Variants in SIRPB2 observed in about 807,000 individuals in gnomAD.
SIRPB2 encodes the protein signal-regulatory protein beta-2.
Under a neutral mutation model 27.1 loss-of-function variants are expected in SIRPB2, and 18 were observed. The observed-to-expected ratio is 0.66, with a 90% CI of 0.46 to 0.98. The LOEUF (loss-of-function observed/expected upper bound fraction) is 0.98. SIRPB2 is among the 50% of genes least tolerant of loss of function. The pLI is 0.00. For missense variants in SIRPB2, 420 were observed against 417.4 expected (o/e 1.01, Z -0.06); for synonymous variants, 150 against 164.6 (o/e 0.91, Z 0.68).
intron 4 of SIRPB2, chr20:1,476,999 C>A: frequency 8.0e-7 from 1 of 1,257,282 alleles, no homozygotes; most frequent in Non-Finnish European, 1.0e-6. Context: ...GGGGCTCCAT[C>A]CAGGAGGCTT....
intron 1 of SIRPB2, 55 bp downstream of exon 1, chr20:1,491,220 C>A: frequency 6.6e-7 from 1 of 1,510,158 alleles, no homozygotes; most frequent in Non-Finnish European, 9.0e-7. Context: ...CTTAGTGCCC[C>A]TCTAGGGACT....
chr20:1,487,873 G>C (rs185671271), intron 1 of SIRPB2, among the ~76,000 whole-genome samples: 17 of 152,246 alleles, frequency 1.1e-4, no homozygotes, highest in Admixed American at 4.6e-4. Flanking sequence ...AATGGTGCAA[G>C]AACCATTGGA....
intron 1 of SIRPB2, chr20:1,480,429 C>G: frequency 4.7e-6 from 1 of 212,592 alleles, no homozygotes; most frequent in Non-Finnish European, 9.5e-6. Context: ...GGATCATCGG[C>G]TAGGATTGTG....
intron 1 of SIRPB2, among the ~76,000 whole-genome samples, chr20:1,490,124 C>T (rs2090764275): frequency 6.6e-6 from 1 of 152,158 alleles, no homozygotes; most frequent in Non-Finnish European, 1.5e-5. Context: ...TTCTGATTTC[C>T]TAGTCTAGTG....
In SIRPB2 at chr20:1,491,386, G is replaced by C. The variant is rs777468466; in HGVS notation, c.-27C>G. 2.2e-5 allele frequency: 35 copies of C among 1,593,892 alleles called. No individual in the cohort carries two copies. The African/African-American group carries it at 4.7e-4, about 21-fold the overall frequency. ...GCATCTTCTGTGGTCCCCAAGACTT[G>C]GGGCTCCTCTGCTCTCTTGTGAGTG... On this transcript the variant is annotated 5_prime_UTR_variant, in exon 1 of 5. Coordinates refer to ENST00000359801, the MANE Select transcript of SIRPB2 (RefSeq NM_001122962.2).
chr20:1,487,406 C>G (rs983224756), intron 1 of SIRPB2, among the ~76,000 whole-genome samples: 6 of 152,182 alleles, frequency 3.9e-5, no homozygotes, highest in African/African-American at 1.4e-4. Context: ...CAATGCCATT[C>G]CCATTCAAAT....
At chr20:1,477,462 A>G in intron 3 of SIRPB2, 59 bp from the exon 4 acceptor site, 1 of 1,556,440 alleles carries the variant, frequency 6.4e-7, no homozygotes, top group South Asian at 1.2e-5. Flanking sequence ...ACCACTTCCT[A>G]AGTCCCAGGA....
chr20:1,485,101 G>C (rs1039382620), intron 1 of SIRPB2, among the ~76,000 whole-genome samples: 1 of 152,258 alleles, frequency 6.6e-6, no homozygotes, highest in South Asian at 2.1e-4. Flanking sequence ...TGTAGGGAGA[G>C]GGGCATGAGA....
At chr20:1,477,283 A>G (rs2090615727) in intron 4 of SIRPB2, 55 bp downstream of exon 4, 1 of 1,614,128 alleles carries the variant, frequency 6.2e-7, no homozygotes, top group Non-Finnish European at 8.5e-7. Flanking sequence ...CAAGCCATTC[A>G]TGGCCCCCTT....
chr20:1,483,396 A>G (rs540604372), intron 1 of SIRPB2, among the ~76,000 whole-genome samples: 2 of 152,186 alleles, frequency 1.3e-5, no homozygotes, highest in Admixed American at 6.5e-5. Context: ...CACGAGCCAC[A>G]GCACCTGGCC....
intron 4 of SIRPB2, 38 bp from the exon 5 acceptor site, chr20:1,476,374 G>A (rs759613749): frequency 1.3e-6 from 2 of 1,587,370 alleles, no homozygotes; most frequent in South Asian, 1.1e-5. Context: ...GGGACCCGTG[G>A]TGAGGGCCCC....
chr20:1,476,316 G>A lies in SIRPB2; in HGVS notation c.880C>T (p.Pro294Ser), dbSNP rs758024725. 6 of 1,613,156 alleles carry A rather than the reference G, an allele frequency of 3.7e-6. No homozygotes were observed. The South Asian group carries it at 6.6e-5, about 18-fold the overall frequency. ...SPTGLLVVFAPVVLGLKAITL... is the reference protein window; with the variant it reads ...SPTGLLVVFASVVLGLKAITL... ...ATTGCCTTCAGCCCCAGGACCACAG[G>A]TGCGAACACAACCAGGAGGCCTGGG... The change falls in exon 5 of 5, where the codon CCT (proline) becomes TCT (serine). Residue 294 changes from proline (P) to serine (S), a missense_variant. Transcript: ENST00000359801.
intron 2 of SIRPB2, 130 bp downstream of exon 2, chr20:1,479,570 T>G: frequency 1.5e-6 from 2 of 1,374,812 alleles, no homozygotes; most frequent in Non-Finnish European, 2.0e-6. Context: ...AATGTGCATG[T>G]AGAGATACAA....
At chr20:1,489,603 GA>G (rs1192343860) in intron 1 of SIRPB2, among the ~76,000 whole-genome samples, 1 of 152,100 alleles carries the variant, frequency 6.6e-6, no homozygotes, top group Admixed American at 6.5e-5. Flanking sequence ...TGGGCTTTAG[GA>G]GGTGTCCTAG....
Position 1,479,945 on chromosome 20 carries a change from C to A in SIRPB2, c.206G>T (p.Gly69Val). Residue 69 changes from glycine to valine, a missense_variant, in exon 2 of 5, where the codon GGT (glycine) becomes GTT (valine). Physicochemically the swap from Gly to Val is moderately radical, Grantham distance 109. Coordinates refer to ENST00000359801, the MANE Select transcript of SIRPB2 (RefSeq NM_001122962.2). ...GCTCACCTTCACCCATTTTATCATA[C>A]CATCAGTGCAGGAGCCGACCACCAT... Reference protein sequence around the residue: ...RCMVVGSCTDGMIKWVKVSTQ... With the variant: ...RCMVVGSCTDVMIKWVKVSTQ... 6.2e-7 allele frequency: 1 copy of A among 1,614,190 alleles called. No individual in the cohort carries two copies. Among genetic ancestry groups the A allele is most frequent in the Non-Finnish European group, 8.5e-7 (1 of 1,180,040 alleles).
In SIRPB2 at chr20:1,480,068, A is replaced by G. The variant is rs749254260; in HGVS notation, c.86-3T>C. 6.3e-7 allele frequency: 1 copy of G among 1,598,908 alleles called. No homozygotes were observed. Among genetic ancestry groups the G allele is most frequent in the South Asian group, 1.1e-5 (1 of 89,852 alleles). ...CCTGCTGCTCTGCCCAGAGGCATCT[A>G]CAAAAGAGGAAGAAAGACCTTGCAC... On this transcript the variant is annotated splice_polypyrimidine_tract_variant and splice_region_variant and intron_variant, in intron 1 of 4. Transcript: ENST00000359801.
In SIRPB2 at chr20:1,483,094, T is replaced by C. The variant is rs1282160392; in HGVS notation, c.86-3029A>G. On this transcript the variant is annotated intron_variant, in intron 1 of 4. Transcript: ENST00000359801. ...AATAGTGTATAAGAGTTCCCTTTTC[T>C]CCTCATCCTCATCATTTTTTTTTTT... is the stretch of plus-strand genomic sequence containing the variant. Among the ~76,000 whole-genome samples, 16 of 150,416 alleles carry C rather than the reference T, an allele frequency of 1.1e-4. No individual in the cohort carries two copies. In the Admixed American group the frequency reaches 1.1e-3, roughly 10 times the overall value.
In SIRPB2 at chr20:1,478,266, C is replaced by T. The variant is rs745455019; in HGVS notation, c.793G>A (p.Ala265Thr). 3.1e-6 allele frequency: 5 copies of T among 1,609,192 alleles called. No homozygotes were observed. Among genetic ancestry groups the T allele is most frequent in the Non-Finnish European group, 4.3e-6 (5 of 1,176,228 alleles). ...ACAAGTCCAAAACCAATTGTCTCAC[C>T]TTTCACTTTCAGGCTGGTGCCCTGT... Reference protein sequence around the residue: ...SGQGTSLKVKAKSTSSKEAEF... With the variant: ...SGQGTSLKVKTKSTSSKEAEF... Residue 265 changes from alanine (A) to threonine (T), a missense_variant and splice_region_variant, in exon 3 of 5, where the codon GCA (alanine) becomes ACA (threonine). Physicochemically the swap from Ala to Thr is moderately conservative, Grantham distance 58. Coordinates refer to ENST00000359801, the MANE Select transcript of SIRPB2 (RefSeq NM_001122962.2).
At chr20:1,471,045 A>G (rs912505009), downstream of SIRPB2, 3 of 152,250 alleles carry the variant, frequency 2.0e-5, no homozygotes, top group Non-Finnish European at 2.9e-5. Context: ...TCTTTCTTCA[A>G]TAAACTCTGC....
Sources: allele counts gnomAD v4.1 joint callset (sites outside exome capture counted in the v4.1 genomes callset), GRCh38; gene constraint gnomAD v4.1.1; transcripts MANE v1.5; gene names NCBI Gene and HGNC (gene_info 2026-07-23, HGNC 2026-07-21).